Variants in MTX2 observed in about 807,000 individuals in gnomAD.
MTX2 encodes the protein metaxin-2.
Under a neutral mutation model 42.3 loss-of-function variants are expected in MTX2, and 35 were observed. The ratio of observed to expected loss-of-function variants is 0.83; its 90% CI spans 0.63 to 1.10. MTX2 has a LOEUF of 1.10. Among genes scored for constraint, MTX2 ranks in the 50% least tolerant of loss-of-function variants. MTX2 has a pLI of 0.00. For synonymous variants in MTX2, 119 were observed against 100.9 expected, an observed-to-expected ratio of 1.18 and a Z score of -1.08; for missense variants, 307 against 304.1, an observed-to-expected ratio of 1.01 and a Z score of -0.07.
chr2:176,289,116 GT>G (rs57768180), intron 1 of MTX2, among the ~76,000 whole-genome samples: 38,253 of 151,452 alleles, frequency 0.25, 5,069 homozygotes, highest in South Asian at 0.31. Context: ...TAAGAATATT[GT>G]TTTTTTTGTA....
chr2:176,285,241 A>G (rs1462653940), intron 1 of MTX2, among the ~76,000 whole-genome samples: 6 of 152,074 alleles, frequency 3.9e-5, no homozygotes, highest in Admixed American at 3.9e-4. Context: ...AATAGTGTCT[A>G]CCTCATAAAG....
At chr2:176,280,203 G>A (rs1693046004) in intron 1 of MTX2, among the ~76,000 whole-genome samples, 1 of 152,276 alleles carries the variant, frequency 6.6e-6, no homozygotes, top group South Asian at 2.1e-4. Flanking sequence ...GAGATATAGT[G>A]AGATTTCAGG....
intron 1 of MTX2, among the ~76,000 whole-genome samples, chr2:176,271,268 A>C (rs1008418854): frequency 9.9e-5 from 15 of 152,222 alleles, no homozygotes; most frequent in South Asian, 2.1e-4. Context: ...TTAAAGATCT[A>C]AATATAAAAC....
intron 1 of MTX2, 146 bp from the exon 2 acceptor site, chr2:176,296,713 TA>T: frequency 1.4e-6 from 1 of 729,772 alleles, no homozygotes; most frequent in Non-Finnish European, 2.4e-6. Context: ...CCATAGAATC[TA>T]AGATAGTGTG....
intron 9 of MTX2, 83 bp downstream of exon 9, chr2:176,330,743 C>T (rs546210008): frequency 4.4e-6 from 4 of 919,006 alleles, no homozygotes; most frequent in East Asian, 4.9e-5. Flanking sequence ...ATTGCTTTTT[C>T]AAGAAAATAT....
At chr2:176,318,700 A>T (rs1684503709) in intron 3 of MTX2, among the ~76,000 whole-genome samples, 1 of 152,182 alleles carries the variant, frequency 6.6e-6, no homozygotes, top group Admixed American at 6.5e-5. Context: ...GGTTTTTAAA[A>T]ATAATGTTTG....
At chr2:176,304,071 A>G (rs1327655064) in intron 3 of MTX2, among the ~76,000 whole-genome samples, 4 of 152,056 alleles carry the variant, frequency 2.6e-5, no homozygotes, top group Non-Finnish European at 5.9e-5. Flanking sequence ...TAGATATACA[A>G]TATCAACATA....
At chr2:176,275,928 C>T (rs568785854) in intron 1 of MTX2, among the ~76,000 whole-genome samples, 2 of 152,288 alleles carry the variant, frequency 1.3e-5, no homozygotes, top group South Asian at 4.1e-4. Flanking sequence ...TTGATTGCTT[C>T]CTTCACGTTG....
At chr2:176,323,703 G>A (rs1334615043) in intron 4 of MTX2, among the ~76,000 whole-genome samples, 2 of 151,586 alleles carry the variant, frequency 1.3e-5, no homozygotes, top group African/African-American at 4.8e-5. Context: ...TAATAGTAAG[G>A]GAATTGTTTT....
chr2:176,322,351 GTTAA>G lies in MTX2; in HGVS notation c.136-1038_136-1035del, dbSNP rs151245564. Among the ~76,000 whole-genome samples the G allele has an allele frequency of 8.7e-3, 1,321 of 152,120 alleles. 23 individuals are homozygous for G. The highest frequency in any genetic ancestry group is 0.03 in the African/African-American group (1,245 of 41,512). On this transcript the variant is annotated intron_variant, in intron 3 of 9. Coordinates refer to ENST00000249442, the MANE Select transcript of MTX2 (RefSeq NM_006554.5). The stretch of plus-strand genomic sequence containing the variant: ...GAGTAAAATGATAAATAATATCCTT[GTTAA>G]TTTATTAATTTATCTTATCTTACTT...
chr2:176,331,194 A>G (rs1684854587), intron 9 of MTX2, among the ~76,000 whole-genome samples: 2 of 151,310 alleles, frequency 1.3e-5, no homozygotes, highest in South Asian at 4.1e-4. Flanking sequence ...ATATATGTGT[A>G]TATATGTAAG....
rs202158036 is a variant in MTX2 at position 176,320,247 on chromosome 2, C to CA, written c.136-3135dup. ...TGGGCGACAGAGTGAAATTGTGTCT[C>CA]AAAAAAAAAAGAAGCATAGGTTTGA... is the stretch of plus-strand genomic sequence containing the variant. On this transcript the variant is annotated intron_variant, in intron 3 of 9. Transcript: ENST00000249442. Among the ~76,000 whole-genome samples the CA allele has an allele frequency of 3.5e-3, 508 of 144,640 alleles. 6 individuals carry two copies. The East Asian group carries it at 0.037, about 11-fold the overall frequency. The allele number at this position is 144,640 out of a possible 152,430, so 94.9% of individuals were successfully genotyped here.
intron 1 of MTX2, chr2:176,270,418 A>G (rs1274241975): frequency 7.3e-7 from 1 of 1,361,286 alleles, no homozygotes; most frequent in Non-Finnish European, 9.8e-7. Context: ...TGATGTATAT[A>G]GGTTTGTAAT....
At chr2:176,299,928 A>T (rs745438342) in intron 3 of MTX2, among the ~76,000 whole-genome samples, 4 of 151,864 alleles carry the variant, frequency 2.6e-5, no homozygotes, top group Non-Finnish European at 5.9e-5. Flanking sequence ...ATACCCCCAA[A>T]ACTAAGTGAT....
rs1692760331 is a variant in MTX2 at position 176,270,012 on chromosome 2, T to A, written c.40+343T>A. ...ACCACAGGGGCAAGCATCTGAACGC[T>A]TCAGTCTAAGAGTGGTGGCAGTTTC... On this transcript the variant is annotated intron_variant, in intron 1 of 9. Coordinates refer to ENST00000249442, the MANE Select transcript of MTX2 (RefSeq NM_006554.5). Among the ~76,000 whole-genome samples, 3 of 152,086 alleles carry A rather than the reference T, an allele frequency of 2.0e-5. No individual in the cohort carries two copies. The South Asian group carries it at 6.2e-4, about 32-fold the overall frequency.
intron 3 of MTX2, among the ~76,000 whole-genome samples, chr2:176,320,213 A>G (rs1339065277): frequency 6.6e-6 from 1 of 151,998 alleles, no homozygotes; most frequent in African/African-American, 2.4e-5. Context: ...GTGCCACTGC[A>G]CTCCAGCCTG....
intron 3 of MTX2, among the ~76,000 whole-genome samples, chr2:176,312,863 C>CAAAAAAAAAAAAAAAA (rs557475003): frequency 3.6e-5 from 2 of 56,030 alleles, no homozygotes; most frequent in African/African-American, 1.1e-4. Flanking sequence ...AATGCCATCT[C>CAAAAAAAAAAAAAAAA]AAAAAAAAAA....
At chr2:176,281,888 A>G (rs17396090) in intron 1 of MTX2, among the ~76,000 whole-genome samples, 1,835 of 152,202 alleles carry the variant, frequency 0.012, 27 homozygotes, top group Admixed American at 0.022. Context: ...TGCATATACA[A>G]ATACTCCTTT....
chr2:176,275,241 AT>A (rs200488729), intron 1 of MTX2, among the ~76,000 whole-genome samples: 224 of 145,116 alleles, frequency 1.5e-3, no homozygotes, highest in East Asian at 3.0e-3. Flanking sequence ...TGGATTTAGA[AT>A]TTTTTTTTTT....
Sources: gnomAD v4.1 joint callset for allele counts (sites outside exome capture counted in the v4.1 genomes callset) on GRCh38, gnomAD v4.1.1 for gene constraint, MANE v1.5 for transcripts, NCBI Gene and HGNC (gene_info 2026-07-23, HGNC 2026-07-21) for gene names.